Variants in STAG1 observed in about 807,000 individuals in gnomAD.
STAG1 encodes cohesin subunit SA-1.
Under a neutral mutation model 170.9 loss-of-function variants are expected in STAG1, and 26 were observed. The ratio of observed to expected loss-of-function variants is 0.15; its 90% CI spans 0.11 to 0.21. The LOEUF (loss-of-function observed/expected upper bound fraction) is 0.21, where lower values mean the gene tolerates loss of function less well. STAG1 is among the 10% of genes least tolerant of loss of function. The probability of loss-of-function intolerance (pLI) is 1.00; values close to 1 mark genes in which losing one functional copy is unlikely to be tolerated. For synonymous variants in STAG1, 514 were observed against 497.7 expected (o/e 1.03, Z -0.44); for missense variants, 964 against 1,509.5 (o/e 0.64, Z 5.99).
At chr3:136,701,835 T>A (rs964181063) in intron 1 of STAG1, among the ~76,000 whole-genome samples, 1 of 152,162 alleles carries the variant, frequency 6.6e-6, no homozygotes, top group African/African-American at 2.4e-5. Context: ...ATCAAGAGCT[T>A]CAACAGGATA....
chr3:136,513,248 A>G (rs1934167151), intron 7 of STAG1, among the ~76,000 whole-genome samples: 1 of 151,952 alleles, frequency 6.6e-6, no homozygotes, highest in Non-Finnish European at 1.5e-5. Context: ...TCAGCTACTC[A>G]GGAGGCTGAG....
intron 7 of STAG1, among the ~76,000 whole-genome samples, chr3:136,515,248 C>T (rs948516316): frequency 6.6e-6 from 1 of 152,006 alleles, no homozygotes; most frequent in African/African-American, 2.4e-5. Context: ...GCCTGCAGTC[C>T]CAGCTACTCG....
At chr3:136,749,477 G>A (rs551779900) in intron 1 of STAG1, among the ~76,000 whole-genome samples, 177 of 152,346 alleles carry the variant, frequency 1.2e-3, no homozygotes, top group African/African-American at 3.9e-3. Context: ...GCCGGGCACA[G>A]TGGCTCACAA....
intron 14 of STAG1, among the ~76,000 whole-genome samples, chr3:136,450,690 G>C (rs1576477268): frequency 6.6e-6 from 1 of 152,180 alleles, no homozygotes; most frequent in African/African-American, 2.4e-5. Flanking sequence ...AAAATTGAGA[G>C]TCCTAGGTTT....
intron 6 of STAG1, among the ~76,000 whole-genome samples, chr3:136,527,561 T>C (rs1226983867): frequency 6.6e-6 from 1 of 152,208 alleles, no homozygotes; most frequent in East Asian, 1.9e-4. Flanking sequence ...TCAGAAAAGT[T>C]TGATCCTCTG....
At chr3:136,650,046 C>T (rs993406308) in intron 1 of STAG1, among the ~76,000 whole-genome samples, 2 of 151,938 alleles carry the variant, frequency 1.3e-5, no homozygotes, top group African/African-American at 4.8e-5. Flanking sequence ...GGATTACAGG[C>T]GTGAGCCATC....
intron 9 of STAG1, among the ~76,000 whole-genome samples, chr3:136,498,141 G>A (rs1300535279): frequency 7.0e-6 from 1 of 143,720 alleles, no homozygotes; most frequent in Non-Finnish European, 1.5e-5. Flanking sequence ...GCAGTGAGCC[G>A]ACATTGTGCC....
intron 7 of STAG1, among the ~76,000 whole-genome samples, chr3:136,503,896 C>T (rs1933620891): frequency 6.6e-6 from 1 of 151,988 alleles, no homozygotes; most frequent in African/African-American, 2.4e-5. Flanking sequence ...CCACCACGCC[C>T]AGCTAATTAC....
intron 3 of STAG1, among the ~76,000 whole-genome samples, chr3:136,614,988 CA>C (rs1459930468): frequency 6.6e-6 from 1 of 151,518 alleles, no homozygotes; most frequent in African/African-American, 2.4e-5. Context: ...CTATAGTATA[CA>C]AAGATACTTT....
chr3:136,510,864 A>G (rs1476497222), intron 7 of STAG1, among the ~76,000 whole-genome samples: 3 of 150,740 alleles, frequency 2.0e-5, no homozygotes, highest in African/African-American at 7.3e-5. Flanking sequence ...TGCAACCTCC[A>G]CCTCCCAGGT....
intron 7 of STAG1, among the ~76,000 whole-genome samples, chr3:136,510,376 G>A (rs567237273): frequency 5.9e-4 from 90 of 151,866 alleles, no homozygotes; most frequent in African/African-American, 1.6e-3. Flanking sequence ...TGCAACCCCC[G>A]CCTCCCTGGT....
At chr3:136,638,544 G>A (rs1940671200) in intron 1 of STAG1, among the ~76,000 whole-genome samples, 1 of 152,190 alleles carries the variant, frequency 6.6e-6, no homozygotes, top group African/African-American at 2.4e-5. Flanking sequence ...AGTACACAAA[G>A]TTAAAAACAA....
intron 1 of STAG1, among the ~76,000 whole-genome samples, chr3:136,647,010 T>C (rs765419208): frequency 6.6e-5 from 10 of 152,194 alleles, no homozygotes; most frequent in Non-Finnish European, 1.3e-4. Flanking sequence ...ATGATACACA[T>C]GCTAATTACT....
chr3:136,477,559 T>G, intron 9 of STAG1, 147 bp from the exon 10 acceptor site: 1 of 649,754 alleles, frequency 1.5e-6, no homozygotes, highest in Non-Finnish European at 2.4e-6. Flanking sequence ...TCTTCTGTTT[T>G]TCATGTTTTC....
intron 7 of STAG1, among the ~76,000 whole-genome samples, chr3:136,508,866 GTGTC>G (rs1933903867): frequency 6.6e-6 from 1 of 152,236 alleles, no homozygotes; most frequent in African/African-American, 2.4e-5. Flanking sequence ...ACGTGTGTGT[GTGTC>G]TGTGTGCGCG....
intron 3 of STAG1, among the ~76,000 whole-genome samples, chr3:136,607,003 G>C (rs1938982865): frequency 6.6e-6 from 1 of 152,004 alleles, no homozygotes; most frequent in East Asian, 1.9e-4. Flanking sequence ...GCCCACCTCA[G>C]ACTCCCAAAG....
intron 1 of STAG1, among the ~76,000 whole-genome samples, chr3:136,751,277 C>T (rs1935220586): frequency 6.7e-6 from 1 of 149,884 alleles, no homozygotes; most frequent in African/African-American, 2.5e-5. Flanking sequence ...CGACAGATAA[C>T]ATTTCAAATG....
intron 1 of STAG1, among the ~76,000 whole-genome samples, chr3:136,654,268 G>C (rs1440608136): frequency 6.6e-6 from 1 of 152,092 alleles, no homozygotes; most frequent in Non-Finnish European, 1.5e-5. Flanking sequence ...AAAAGCTTTA[G>C]AATAAACAAA....
chr3:136,606,747 A>G (rs1447224042), intron 3 of STAG1, among the ~76,000 whole-genome samples: 1 of 140,286 alleles, frequency 7.1e-6, no homozygotes, highest in Non-Finnish European at 1.5e-5. Flanking sequence ...GAGAGGTAAC[A>G]TGCTTTTTTT....
Sources: gnomAD v4.1 joint callset for allele counts (sites outside exome capture counted in the v4.1 genomes callset) on GRCh38, gnomAD v4.1.1 for gene constraint, MANE v1.5 for transcripts, NCBI Gene and HGNC (gene_info 2026-07-23, HGNC 2026-07-21) for gene names.